The following CACHD1 variants were observed in gnomAD, a reference collection of about 807,000 sequenced individuals.
The protein encoded by CACHD1 is VWFA and cache domain-containing protein 1.
Under a neutral mutation model 138.7 loss-of-function variants are expected in CACHD1, and 71 were observed. The observed-to-expected ratio is 0.51, with a 90% CI of 0.42 to 0.62. CACHD1 has a LOEUF of 0.62. Ranked by LOEUF, CACHD1 falls within the 20% of genes least tolerant of loss-of-function variation. CACHD1 has a pLI of 0.00. For synonymous variants in CACHD1, 578 were observed against 591.5 expected, an observed-to-expected ratio of 0.98 and a Z score of 0.33; for missense variants, 1,389 against 1,625.3, an observed-to-expected ratio of 0.85 and a Z score of 2.50.
At chr1:64,544,910 G>T (rs1439015001) in intron 1 of CACHD1, among the ~76,000 whole-genome samples, 1 of 152,088 alleles carries the variant, frequency 6.6e-6, no homozygotes, top group Non-Finnish European at 1.5e-5. Context: ...GGAAGCTGGA[G>T]AACTAAGCAA....
intron 7 of CACHD1, among the ~76,000 whole-genome samples, chr1:64,639,012 C>A (rs1206038376): frequency 1.3e-5 from 2 of 152,178 alleles, no homozygotes; most frequent in Admixed American, 6.5e-5. Flanking sequence ...GCTACCAAAG[C>A]AGCTCAAGGG....
At chr1:64,623,580 G>A (rs1216851283) in intron 4 of CACHD1, among the ~76,000 whole-genome samples, 1 of 152,142 alleles carries the variant, frequency 6.6e-6, no homozygotes, top group Non-Finnish European at 1.5e-5. Context: ...GATGAATCAG[G>A]TATAGATCTT....
At position 64,470,297 on chromosome 1, in the gene CACHD1, CG is replaced by C. The variant is rs1646134387; in HGVS notation, c.-443del. On this transcript the variant is annotated 5_prime_UTR_variant, in exon 1 of 27. Coordinates refer to ENST00000651257, the MANE Select transcript of CACHD1 (RefSeq NM_020925.4). This position sits in a 1 kb window ranked among gnomAD's most constrained non-coding sequence, Gnocchi z 5.2. ...CAGCCCGGCCGCCGCTCCTCTTCCC[CG>C]GGGGCCGCCGTCAGTCCTCGCCGCC... is the stretch of plus-strand genomic sequence containing the variant. Among the ~76,000 whole-genome samples, 1 of 151,982 alleles carries C rather than the reference CG, an allele frequency of 6.6e-6. No homozygotes were observed. Among genetic ancestry groups the C allele is most frequent in the African/African-American group, 2.4e-5 (1 of 41,428 alleles).
chr1:64,632,794 T>G, intron 6 of CACHD1, 51 bp downstream of exon 6: 2 of 1,586,160 alleles, frequency 1.3e-6, no homozygotes, highest in East Asian at 4.5e-5. Context: ...CTTGAATGCC[T>G]TTTTTAAAGT....
intron 1 of CACHD1, among the ~76,000 whole-genome samples, chr1:64,527,231 G>A (rs1480868432): frequency 6.6e-6 from 1 of 152,202 alleles, no homozygotes; most frequent in Non-Finnish European, 1.5e-5. Context: ...GGTGCTGATT[G>A]CCTTGAAGCT....
At chr1:64,524,080 C>T (rs1646518826) in intron 1 of CACHD1, among the ~76,000 whole-genome samples, 1 of 151,906 alleles carries the variant, frequency 6.6e-6, no homozygotes, top group Non-Finnish European at 1.5e-5. Flanking sequence ...ATTCTTGGTT[C>T]TACTAGTAAT....
chr1:64,682,215 A>G (rs1316952467), intron 26 of CACHD1, 109 bp downstream of exon 26: 16 of 917,266 alleles, frequency 1.7e-5, no homozygotes, highest in Non-Finnish European at 2.6e-5. Flanking sequence ...ACACCCCAGC[A>G]TGCCACTGGT....
intron 2 of CACHD1, among the ~76,000 whole-genome samples, chr1:64,562,865 G>A (rs1174734820): frequency 1.3e-5 from 2 of 152,088 alleles, no homozygotes; most frequent in Non-Finnish European, 2.9e-5. Context: ...ATGGTTTGAG[G>A]TTTATCTCTG....
At chr1:64,670,527 G>A (rs986245467) in intron 16 of CACHD1, among the ~76,000 whole-genome samples, 12 of 152,184 alleles carry the variant, frequency 7.9e-5, no homozygotes, top group African/African-American at 2.4e-4. Flanking sequence ...CGTTGGTCAA[G>A]TAGCACATGC....
At chr1:64,622,512 A>G (rs1647951083) in intron 4 of CACHD1, among the ~76,000 whole-genome samples, 1 of 152,240 alleles carries the variant, frequency 6.6e-6, no homozygotes, top group Admixed American at 6.5e-5. Context: ...CATTGTATGT[A>G]CAAACTAATA....
At chr1:64,636,109 CA>C (rs5774716) in intron 7 of CACHD1, among the ~76,000 whole-genome samples, 91,978 of 137,036 alleles carry the variant, frequency 0.67, 31,282 homozygotes, top group South Asian at 0.77. Context: ...GACTCAGTCT[CA>C]AAAAAAAAAA....
chr1:64,531,217 T>TC (rs1279042516), intron 1 of CACHD1, among the ~76,000 whole-genome samples: 2 of 152,266 alleles, frequency 1.3e-5, no homozygotes, highest in East Asian at 3.9e-4. Context: ...CACTCTAGAG[T>TC]CTGTAAGTTG....
intron 12 of CACHD1, among the ~76,000 whole-genome samples, chr1:64,657,809 G>T (rs1649316033): frequency 6.6e-6 from 1 of 152,082 alleles, no homozygotes; most frequent in African/African-American, 2.4e-5. Context: ...TTCTGATTTC[G>T]CTAGTCATCA....
intron 4 of CACHD1, among the ~76,000 whole-genome samples, chr1:64,622,239 CT>C (rs1647938301): frequency 6.6e-6 from 1 of 152,204 alleles, no homozygotes; most frequent in East Asian, 1.9e-4. Flanking sequence ...AAAACCCCAT[CT>C]CTTATCTAAC....
At chr1:64,666,538 T>G (rs1288199112) in intron 16 of CACHD1, among the ~76,000 whole-genome samples, 1 of 152,224 alleles carries the variant, frequency 6.6e-6, no homozygotes, top group East Asian at 1.9e-4. Flanking sequence ...AGCCTGACAA[T>G]TATGATTGCC....
intron 12 of CACHD1, among the ~76,000 whole-genome samples, chr1:64,655,505 A>T (rs1297787699): frequency 1.3e-5 from 2 of 152,180 alleles, no homozygotes; most frequent in Non-Finnish European, 2.9e-5. Context: ...GAGACATGAA[A>T]GCATAAGTAC....
intron 7 of CACHD1, among the ~76,000 whole-genome samples, chr1:64,640,642 C>T (rs1159554848): frequency 6.6e-6 from 1 of 151,662 alleles, no homozygotes; most frequent in Non-Finnish European, 1.5e-5. Flanking sequence ...CTACTGCACT[C>T]CAGCCTGGGT....
chr1:64,551,303 T>C (rs757010950), intron 2 of CACHD1, among the ~76,000 whole-genome samples: 2 of 152,146 alleles, frequency 1.3e-5, no homozygotes, highest in Non-Finnish European at 2.9e-5. Context: ...AGATTCTATT[T>C]ACTTTATTTA....
chr1:64,537,241 C>G (rs1376284305), intron 1 of CACHD1, among the ~76,000 whole-genome samples: 1 of 146,126 alleles, frequency 6.8e-6, no homozygotes, highest in Non-Finnish European at 1.5e-5. Context: ...TCCCCTCACC[C>G]AGTACTTATG....
Sources: gnomAD v4.1 joint callset for allele counts (sites outside exome capture counted in the v4.1 genomes callset) on GRCh38, gnomAD v4.1.1 for gene constraint, Gnocchi (gnomAD v3.1) non-coding constraint, MANE v1.5 for transcripts, NCBI Gene and HGNC (gene_info 2026-07-23, HGNC 2026-07-21) for gene names.